Variants in BICC1 observed in about 807,000 individuals in gnomAD.
The protein encoded by BICC1 is BicC family RNA binding protein 1.
Under a neutral mutation model 111.0 loss-of-function variants are expected in BICC1, and 43 were observed. The observed-to-expected ratio is 0.39, with a 90% CI of 0.30 to 0.50. The LOEUF (loss-of-function observed/expected upper bound fraction) is 0.50, where lower values mean the gene tolerates loss of function less well. BICC1 is among the 20% of genes least tolerant of loss of function. The pLI, the probability that BICC1 is intolerant of heterozygous loss-of-function variation, is 0.88. For synonymous variants in BICC1, 467 were observed against 434.4 expected, an observed-to-expected ratio of 1.07 and a Z score of -0.93; for missense variants, 1,091 against 1,203.2, an observed-to-expected ratio of 0.91 and a Z score of 1.38.
chr10:58,572,258 T>C (rs1843978685), intron 1 of BICC1, among the ~76,000 whole-genome samples: 1 of 152,210 alleles, frequency 6.6e-6, no homozygotes, highest in South Asian at 2.1e-4. Context: ...GCAAAAATTT[T>C]CTCCCACTTT....
intron 1 of BICC1, among the ~76,000 whole-genome samples, chr10:58,569,636 G>A (rs1362664896): frequency 5.3e-5 from 8 of 152,138 alleles, no homozygotes; most frequent in Admixed American, 5.2e-4. Flanking sequence ...GTGAGAACAC[G>A]TGGTGTTCGG....
chr10:58,549,253 G>T (rs1264533555), intron 1 of BICC1, among the ~76,000 whole-genome samples: 1 of 151,962 alleles, frequency 6.6e-6, no homozygotes, highest in Non-Finnish European at 1.5e-5. Flanking sequence ...GTATAAATAA[G>T]ACTTCTATAA....
At chr10:58,626,100 T>C (rs1178569962) in intron 2 of BICC1, among the ~76,000 whole-genome samples, 1 of 152,222 alleles carries the variant, frequency 6.6e-6, no homozygotes, top group African/African-American at 2.4e-5. Flanking sequence ...CGTACATGGC[T>C]CACAATTCAA....
intron 1 of BICC1, among the ~76,000 whole-genome samples, chr10:58,543,944 C>G (rs1312663817): frequency 2.6e-5 from 4 of 151,520 alleles, no homozygotes; most frequent in African/African-American, 9.7e-5. Flanking sequence ...AGAAACTACT[C>G]AAACGTTTTA....
At chr10:58,569,440 G>A (rs768814990) in intron 1 of BICC1, among the ~76,000 whole-genome samples, 4 of 152,154 alleles carry the variant, frequency 2.6e-5, no homozygotes, top group Non-Finnish European at 5.9e-5. Flanking sequence ...TGTGCAGAAT[G>A]TGCAGGTTTG....
chr10:58,665,272 A>T (rs1456338004), intron 2 of BICC1, among the ~76,000 whole-genome samples: 2 of 152,150 alleles, frequency 1.3e-5, no homozygotes, highest in African/African-American at 4.8e-5. Flanking sequence ...CAATTTTAAT[A>T]GTATCTTGTT....
rs189727647 is a variant in BICC1 at position 58,679,578 on chromosome 10, T to C, written c.238-22496T>C. 1.1e-3 allele frequency among the ~76,000 whole-genome samples: 164 copies of C among 152,274 alleles called. 1 individual carries two copies. Among genetic ancestry groups the C allele is most frequent in the Admixed American group, 4.5e-3 (69 of 15,278 alleles). On this transcript the variant is annotated intron_variant, in intron 2 of 20. Coordinates refer to ENST00000373886, the MANE Select transcript of BICC1 (RefSeq NM_001080512.3). ...CAACCAAAAAAAGCCCAGGACCAGA[T>C]GGATTCACAGCCGAATTGTACCAGA...
chr10:58,712,769 T>G (rs766990820), intron 3 of BICC1, among the ~76,000 whole-genome samples: 1 of 152,170 alleles, frequency 6.6e-6, no homozygotes, highest in Non-Finnish European at 1.5e-5. Context: ...TGATTTACAA[T>G]GGTGACTATA....
intron 1 of BICC1, among the ~76,000 whole-genome samples, chr10:58,610,172 C>T (rs1029306549): frequency 6.6e-6 from 1 of 152,154 alleles, no homozygotes; most frequent in African/African-American, 2.4e-5. Flanking sequence ...TGTAGATGTT[C>T]TCAAATTTTT....
chr10:58,644,042 T>G (rs1031374217), intron 2 of BICC1, among the ~76,000 whole-genome samples: 27 of 152,340 alleles, frequency 1.8e-4, no homozygotes, highest in Non-Finnish European at 3.4e-4. Context: ...GAAATTTTTT[T>G]GGAATATCTA....
intron 1 of BICC1, among the ~76,000 whole-genome samples, chr10:58,618,167 T>A (rs1845680437): frequency 6.6e-6 from 1 of 152,144 alleles, no homozygotes; most frequent in Non-Finnish European, 1.5e-5. Flanking sequence ...CTGGCTTGCA[T>A]GCCCAGAGGC....
intron 3 of BICC1, among the ~76,000 whole-genome samples, chr10:58,775,035 G>GA (rs1305568267): frequency 3.3e-5 from 5 of 151,974 alleles, no homozygotes; most frequent in Non-Finnish European, 5.9e-5. Context: ...CTTGCTTTTA[G>GA]AAAAAACAGT....
At chr10:58,770,025 T>G (rs1038913293) in intron 3 of BICC1, among the ~76,000 whole-genome samples, 1 of 152,172 alleles carries the variant, frequency 6.6e-6, no homozygotes, top group Non-Finnish European at 1.5e-5. Context: ...CTTACAGTTT[T>G]AATTATAATT....
intron 3 of BICC1, among the ~76,000 whole-genome samples, chr10:58,732,247 C>T (rs1033411716): frequency 1.5e-4 from 20 of 133,806 alleles, no homozygotes; most frequent in Middle Eastern, 4.1e-3. Flanking sequence ...AGGCCCAAGG[C>T]GGCGGGTGGG....
chr10:58,633,645 T>C (rs1038638449), intron 2 of BICC1, among the ~76,000 whole-genome samples: 5 of 152,172 alleles, frequency 3.3e-5, no homozygotes, highest in Non-Finnish European at 4.4e-5. Context: ...TTTGATGATA[T>C]GCAGTTTAAA....
intron 3 of BICC1, among the ~76,000 whole-genome samples, chr10:58,746,879 G>A (rs529046241): frequency 6.6e-6 from 1 of 152,154 alleles, no homozygotes; most frequent in Non-Finnish European, 1.5e-5. Context: ...ATAATTCATT[G>A]TCTCTTAGAA....
chr10:58,797,440 T>C (rs778766312), intron 10 of BICC1, among the ~76,000 whole-genome samples: 12 of 152,192 alleles, frequency 7.9e-5, no homozygotes, highest in Admixed American at 1.3e-4. Flanking sequence ...ATTTTCCAAG[T>C]AGCCCTGCCT....
chr10:58,527,471 G>C (rs1842574992), intron 1 of BICC1, among the ~76,000 whole-genome samples: 2 of 152,136 alleles, frequency 1.3e-5, no homozygotes, highest in African/African-American at 4.8e-5. Context: ...ATTGCTTTTT[G>C]TGTTTTTAGT....
At chr10:58,566,207 T>C (rs890317055) in intron 1 of BICC1, among the ~76,000 whole-genome samples, 3 of 151,554 alleles carry the variant, frequency 2.0e-5, no homozygotes, top group African/African-American at 4.9e-5. Context: ...TATACACATG[T>C]ACACACTTGC....
Sources: allele counts gnomAD v4.1 joint callset (sites outside exome capture counted in the v4.1 genomes callset), GRCh38; gene constraint gnomAD v4.1.1; transcripts MANE v1.5; gene names NCBI Gene and HGNC (gene_info 2026-07-23, HGNC 2026-07-21).